DPYSL5: variants seen among roughly 807,000 people sequenced by gnomAD.
DPYSL5 encodes the protein dihydropyrimidinase-related protein 5.
Under a neutral mutation model 58.4 loss-of-function variants are expected in DPYSL5, and 9 were observed. The ratio of observed to expected loss-of-function variants is 0.15; its 90% CI spans 0.09 to 0.27. DPYSL5 has a LOEUF of 0.27. Ranked by LOEUF, DPYSL5 falls within the 10% of genes least tolerant of loss-of-function variation. The pLI is 1.00. For synonymous variants in DPYSL5, 293 were observed against 301.9 expected (o/e 0.97, Z 0.31); for missense variants, 499 against 770.6 (o/e 0.65, Z 4.17).
rs547760932 is a variant in DPYSL5, at chr2:26,849,977, G to A, written c.-5+1723G>A. ...CGGCGCGGAGCTGCCGGGCGGCGAC[G>A]CAGGTGCCAAAGACTGGAGGTCGCC... On this transcript the variant is annotated intron_variant, in intron 1 of 12. Transcript: ENST00000288699. This position sits in a 1 kb window ranked among gnomAD's most constrained non-coding sequence, Gnocchi z 6.2. Among the ~76,000 whole-genome samples the A allele has an allele frequency of 3.9e-5, 6 of 152,342 alleles. No individual in the cohort carries two copies. The East Asian group carries it at 7.7e-4, about 20-fold the overall frequency.
chr2:26,876,300 C>T (rs868605761), intron 1 of DPYSL5, among the ~76,000 whole-genome samples: 1 of 152,178 alleles, frequency 6.6e-6, no homozygotes, highest in East Asian at 1.9e-4. Context: ...ATCACTTGCA[C>T]TCTTCAGTGA....
At chr2:26,941,457 A>T (rs74655859) in intron 9 of DPYSL5, among the ~76,000 whole-genome samples, 1 of 152,252 alleles carries the variant, frequency 6.6e-6, no homozygotes, top group Non-Finnish European at 1.5e-5. Flanking sequence ...CTAAAATAGT[A>T]TGAGCCCCAA....
Position 26,940,585 on chromosome 2 carries a change from CCTT to C in DPYSL5, c.1089+414_1089+416del, listed in dbSNP as rs371043985. 2.6e-3 allele frequency among the ~76,000 whole-genome samples: 395 copies of C among 150,956 alleles called. 1 individual carries two copies. Among genetic ancestry groups the C allele is most frequent in the African/African-American group, 8.9e-3 (366 of 41,110 alleles). On this transcript the variant is annotated intron_variant, in intron 9 of 12. Coordinates refer to ENST00000288699, the MANE Select transcript of DPYSL5 (RefSeq NM_020134.4). ...TCAAGCTATCCTTCCACCTCTGCCT[CCTT>C]AAGTGCTGCGATTATAGGTGTGAGC...
At chr2:26,885,431 T>C (rs1007283419) in intron 1 of DPYSL5, among the ~76,000 whole-genome samples, 3 of 152,138 alleles carry the variant, frequency 2.0e-5, no homozygotes, top group African/African-American at 7.2e-5. Context: ...GTAGCAGTTT[T>C]CCAGATGTGG....
intron 2 of DPYSL5, among the ~76,000 whole-genome samples, chr2:26,904,288 G>C (rs1422805793): frequency 1.3e-5 from 2 of 152,192 alleles, no homozygotes; most frequent in Non-Finnish European, 2.9e-5. Context: ...CAAGGATCCT[G>C]TTTGTCCGCT....
chr2:26,867,443 G>GTTTTT (rs982589815), intron 1 of DPYSL5, among the ~76,000 whole-genome samples: 1 of 136,414 alleles, frequency 7.3e-6, no homozygotes. Flanking sequence ...CCAATTGTTT[G>GTTTTT]TTTTTTTTTT....
At chr2:26,914,109 G>A (rs553781993) in intron 2 of DPYSL5, among the ~76,000 whole-genome samples, 10 of 152,298 alleles carry the variant, frequency 6.6e-5, no homozygotes, top group African/African-American at 2.2e-4. Context: ...GCATCAGACC[G>A]GTTTCCAGTA....
At position 26,910,616 on chromosome 2, in the gene DPYSL5, CT is replaced by C. The variant is rs34929540; in HGVS notation, c.261+11875del. Among the ~76,000 whole-genome samples, 266 of 118,490 alleles carry C rather than the reference CT, an allele frequency of 2.2e-3. 1 individual carries two copies. Among genetic ancestry groups the C allele is most frequent in the Middle Eastern group, 4.3e-3 (1 of 230 alleles). 77.7% of individuals were successfully genotyped at this position (118,490 alleles called of 152,430 possible). A position where few individuals can be genotyped will look rare whatever the true frequency, so the allele number is the denominator to read the frequency against. ...TTTTCTTTTTTTCTTTCTTCTTCTTCTTTTTTTTTTTTTTTTTTTAGTAGAG... is the reference window on the plus strand; with the variant it reads ...TTTTCTTTTTTTCTTTCTTCTTCTTCTTTTTTTTTTTTTTTTTTAGTAGAG... On this transcript the variant is annotated intron_variant, in intron 2 of 12. Coordinates refer to ENST00000288699, the MANE Select transcript of DPYSL5 (RefSeq NM_020134.4).
intron 1 of DPYSL5, among the ~76,000 whole-genome samples, chr2:26,892,010 T>C (rs186365969): frequency 4.0e-4 from 61 of 152,330 alleles, no homozygotes; most frequent in African/African-American, 1.4e-3. Context: ...TCAGATTATA[T>C]GTTCCTCCTC....
chr2:26,919,649 C>T (rs1187585359), intron 2 of DPYSL5, among the ~76,000 whole-genome samples: 1 of 151,920 alleles, frequency 6.6e-6, no homozygotes, highest in African/African-American at 2.4e-5. Flanking sequence ...AAAATAAGGG[C>T]TTGGGTTGAT....
rs911297141 is a variant in DPYSL5 at position 26,944,502 on chromosome 2, A to G, written c.1441-154A>G. 6.6e-6 allele frequency among the ~76,000 whole-genome samples: 1 copy of G among 152,100 alleles called. No homozygotes were observed. The highest frequency in any genetic ancestry group is 1.5e-5 in the Non-Finnish European group (1 of 67,998). On this transcript the variant is annotated intron_variant, in intron 11 of 12. Transcript: ENST00000288699. The surrounding 1 kb of genome is among the most constrained non-coding windows in gnomAD (Gnocchi z 4.4). ...TGAGAAAACTCCAGCCCCTGGACTCAATGTTTAAGAAGCCTTGGTCACTTG... is the reference window on the plus strand; with the variant it reads ...TGAGAAAACTCCAGCCCCTGGACTCGATGTTTAAGAAGCCTTGGTCACTTG...
intron 2 of DPYSL5, among the ~76,000 whole-genome samples, chr2:26,907,908 C>T (rs149745534): frequency 5.9e-5 from 9 of 152,276 alleles, no homozygotes; most frequent in Middle Eastern, 3.4e-3. Flanking sequence ...GTAGCCCTAA[C>T]GGTGTAGTCG....
At chr2:26,890,194 TC>T (rs1413008815) in intron 1 of DPYSL5, among the ~76,000 whole-genome samples, 1 of 152,106 alleles carries the variant, frequency 6.6e-6, no homozygotes, top group Admixed American at 6.6e-5. Flanking sequence ...GCAAGAAGTG[TC>T]CCCTTTACAC....
At chr2:26,932,208 A>ACAGAAAGAAAGAAAGAAAGAAAAGAAAG (rs1553321171) in intron 6 of DPYSL5, among the ~76,000 whole-genome samples, 9 of 70,220 alleles carry the variant, frequency 1.3e-4, no homozygotes, top group African/African-American at 5.2e-4. Context: ...AGAAAGAAAG[A>ACAGAAAGAAAGAAAGAAAGAAAAGAAAG]AAAGAAAGAA....
chr2:26,937,292 TTG>T (rs1410828185), intron 8 of DPYSL5, among the ~76,000 whole-genome samples: 3 of 152,152 alleles, frequency 2.0e-5, no homozygotes, highest in Admixed American at 1.3e-4. Flanking sequence ...AATGTACTTT[TTG>T]TGTTATGATA....
At chr2:26,937,374 T>G (rs914865827) in intron 8 of DPYSL5, among the ~76,000 whole-genome samples, 2 of 152,134 alleles carry the variant, frequency 1.3e-5, no homozygotes, top group Admixed American at 6.5e-5. Context: ...TTTATAGGAT[T>G]TGGAGCATAA....
At chr2:26,896,849 G>A (rs1664035177) in intron 1 of DPYSL5, among the ~76,000 whole-genome samples, 2 of 152,102 alleles carry the variant, frequency 1.3e-5, no homozygotes, top group African/African-American at 4.8e-5. Flanking sequence ...TCTGTTGATT[G>A]TTTCCTTCGC....
chr2:26,937,997 C>T (rs1380812549), intron 8 of DPYSL5, among the ~76,000 whole-genome samples: 1 of 152,172 alleles, frequency 6.6e-6, no homozygotes, highest in East Asian at 1.9e-4. Flanking sequence ...TGAGCCACTG[C>T]ACCTGGCCTA....
At position 26,924,943 on chromosome 2, in the gene DPYSL5, G is replaced by A. The variant is rs1177884367; in HGVS notation, c.318G>A (p.Glu106=). The part of the protein sequence containing the change: ...MIIGHVLPDK[E]TSLVDAYEKC... ...TCGGCCACGTCCTGCCCGACAAGGA[G>A]ACCTCCCTTGTGGACGCTTATGAGA... Residue 106 remains glutamate, a synonymous_variant, in exon 3 of 13, where the codon GAG becomes GAA. Transcript: ENST00000288699. The surrounding 1 kb of genome is among the most constrained non-coding windows in gnomAD (Gnocchi z 4.7). The A allele has an allele frequency of 1.9e-6, 3 of 1,614,066 alleles. No homozygotes were observed. The highest frequency in any genetic ancestry group is 2.7e-5 in the African/African-American group (2 of 74,928).
Sources: gnomAD v4.1 joint callset for allele counts (sites outside exome capture counted in the v4.1 genomes callset) on GRCh38, gnomAD v4.1.1 for gene constraint, Gnocchi (gnomAD v3.1) non-coding constraint, MANE v1.5 for transcripts, NCBI Gene and HGNC (gene_info 2026-07-23, HGNC 2026-07-21) for gene names.